The following FLNC variants were observed in gnomAD, a reference collection of about 807,000 sequenced individuals.
The protein encoded by FLNC is filamin-C.
In FLNC, 91 loss-of-function variants were observed where a neutral mutation model predicts 254.3. The ratio of observed to expected loss-of-function variants is 0.36; its 90% CI spans 0.30 to 0.43. The LOEUF is 0.43. FLNC is among the 20% of genes least tolerant of loss of function. The pLI is 1.00. For synonymous variants in FLNC, 1,430 were observed against 1,577.2 expected, an observed-to-expected ratio of 0.91 and a Z score of 2.21; for missense variants, 2,853 against 3,802.6, an observed-to-expected ratio of 0.75 and a Z score of 6.57.
intron 1 of FLNC, among the ~76,000 whole-genome samples, chr7:128,832,952 T>A (rs1351040660): frequency 6.6e-6 from 1 of 152,190 alleles, no homozygotes; most frequent in East Asian, 1.9e-4. Flanking sequence ...GGGGCCACCT[T>A]CTGAGTATTG....
intron 35 of FLNC, among the ~76,000 whole-genome samples, 198 bp downstream of exon 35, chr7:128,851,826 G>C (rs1014561005): frequency 6.6e-6 from 1 of 152,238 alleles, no homozygotes; most frequent in Admixed American, 6.5e-5. Context: ...CACTCCTTGT[G>C]CCTGAAAACA....
At chr7:128,833,794 C>CCGGG (rs1042455695) in intron 1 of FLNC, among the ~76,000 whole-genome samples, 9 of 152,164 alleles carry the variant, frequency 5.9e-5, no homozygotes, top group Admixed American at 4.6e-4. Flanking sequence ...AGAGAAAGCA[C>CCGGG]CGGGAGGCAG....
rs1808883896 is a variant in FLNC, at chr7:128,852,919, G to C, written c.6096G>C (p.Leu2032=). ...KHVTNSPFKI[L]VGPSEIGDAS... is the part of the protein sequence containing the mutation. ...TCACCAACAGCCCCTTCAAGATCCT[G>C]GTGGGGCCATCTGAGATCGGGGACG... The change falls in exon 37 of 48, where the codon CTG becomes CTC. Residue 2032 remains leucine, a synonymous_variant. Transcript: ENST00000325888. 2.5e-6 allele frequency: 4 copies of C among 1,613,596 alleles called. No homozygotes were observed. The African/African-American group carries it at 4.0e-5, about 16-fold the overall frequency.
At chr7:128,834,141 G>A (rs950435284) in intron 1 of FLNC, among the ~76,000 whole-genome samples, 2 of 152,228 alleles carry the variant, frequency 1.3e-5, no homozygotes, top group Admixed American at 1.3e-4. Context: ...CAGTAAACAA[G>A]ACTGTCTTCC....
Position 128,849,889 on chromosome 7 carries a change from C to T in FLNC, c.5200-87C>T, listed in dbSNP as rs557689381. The T allele has an allele frequency of 1.2e-5, 12 of 970,128 alleles. No individual in the cohort carries two copies. In the South Asian group the frequency reaches 1.5e-4, roughly 12 times the overall value. 60.1% of individuals were successfully genotyped at this position (970,128 alleles called of 1,614,324 possible). A position where few individuals can be genotyped will look rare whatever the true frequency, so the allele number is the denominator to read the frequency against. On this transcript the variant is annotated intron_variant, in intron 30 of 47. Transcript: ENST00000325888. ...GATGAACACCCAAATTATCACCCAG[C>T]ATTTCAGGTTCCTGGGCCATTCTCT...
chr7:128,831,802 T>C (rs1807904202), intron 1 of FLNC, among the ~76,000 whole-genome samples: 1 of 118,750 alleles, frequency 8.4e-6, no homozygotes, highest in African/African-American at 3.4e-5. Flanking sequence ...AGGTGTGTAG[T>C]GCAGGGTGGG....
rs544320561 is a variant in FLNC, at chr7:128,844,966, C to T, written c.3501C>T (p.Arg1167=). The part of the protein sequence containing the change: ...KVRASGPGLE[R]GKVGEAATFT... ...GGGCCAGTGGACCGGGCCTGGAGCG[C>T]GGCAAGGTCGGTGAGGCAGCCACCT... The change falls in exon 21 of 48, where the codon CGC becomes CGT. Residue 1167 remains arginine (R), a synonymous_variant. Transcript: ENST00000325888. 3.7e-5 allele frequency: 59 copies of T among 1,613,814 alleles called. No individual in the cohort carries two copies. The highest frequency in any genetic ancestry group is 1.1e-4 in the East Asian group (5 of 44,884).
In FLNC at chr7:128,854,557, A is replaced by C. The variant is rs1003005680; in HGVS notation, c.6872A>C (p.Lys2291Thr). The change falls in exon 41 of 48, where the codon AAG (lysine) becomes ACG (threonine). Residue 2291 changes from lysine to threonine, a missense_variant. Lys to Thr is a moderately conservative substitution (Grantham distance 78). Coordinates refer to ENST00000325888, the MANE Select transcript of FLNC (RefSeq NM_001458.5). ...ATGGGGCCCCATACGGTCGCTGTCA[A>C]GTACCGTGGCCAGCACGTGCCCGGC... ...QEMGPHTVAVKYRGQHVPGSP... is the reference protein window; with the variant it reads ...QEMGPHTVAVTYRGQHVPGSP... 6.2e-7 allele frequency: 1 copy of C among 1,608,352 alleles called. No individual in the cohort carries two copies. Among genetic ancestry groups the C allele is most frequent in the African/African-American group, 1.3e-5 (1 of 74,890 alleles).
At position 128,842,252 on chromosome 7, in the gene FLNC, G is replaced by T; in HGVS notation, c.2143G>T (p.Asp715Tyr). 9 of 1,613,706 alleles carry T rather than the reference G, an allele frequency of 5.6e-6. No individual in the cohort carries two copies. The highest frequency in any genetic ancestry group is 7.6e-6 in the Non-Finnish European group (9 of 1,180,004). ...YAQDADGCPIDIKVIPNGDGT... is the reference protein window; with the variant it reads ...YAQDADGCPIYIKVIPNGDGT... ...ACAGGACGCCGACGGCTGTCCCATC[G>T]ACATCAAGGTGATCCCCAACGGCGA... is the stretch of plus-strand genomic sequence containing the variant. Residue 715 changes from aspartate (D) to tyrosine (Y), a missense_variant, in exon 14 of 48, where the codon GAC becomes TAC. By Grantham distance (160) the Asp-to-Tyr change is radical. Transcript: ENST00000325888. The surrounding 1 kb of genome is among the most constrained non-coding windows in gnomAD (Gnocchi z 5.4).
chr7:128,840,260 C>T, intron 9 of FLNC, 100 bp downstream of exon 9: 2 of 1,403,826 alleles, frequency 1.4e-6, no homozygotes, highest in African/African-American at 1.4e-5. Context: ...CAGCCAGCAC[C>T]ACAGCTCCAC....
In FLNC at chr7:128,841,874, C is replaced by T. The variant is rs984583301; in HGVS notation, c.2121+307C>T. Among the ~76,000 whole-genome samples the T allele has an allele frequency of 6.6e-6, 1 of 152,158 alleles. No individual in the cohort carries two copies. The highest frequency in any genetic ancestry group is 1.5e-5 in the Non-Finnish European group (1 of 68,028). ...TTTCTCAGACTGGTGTCCATTGACC[C>T]CTAGAGGTTAATGAACATATTCTTG... On this transcript the variant is annotated intron_variant, in intron 13 of 47. Coordinates refer to ENST00000325888, the MANE Select transcript of FLNC (RefSeq NM_001458.5). This position sits in a 1 kb window ranked among gnomAD's most constrained non-coding sequence, Gnocchi z 4.3.
chr7:128,854,582 C>A lies in FLNC; in HGVS notation c.6897C>A (p.Gly2299=), dbSNP rs1456991244. The change falls in exon 41 of 48, where the codon GGC becomes GGA. Residue 2299 remains glycine (G), a synonymous_variant. Coordinates refer to ENST00000325888, the MANE Select transcript of FLNC (RefSeq NM_001458.5). ...AGTACCGTGGCCAGCACGTGCCCGG[C>A]AGCCCCTTTCAGTTCACTGTGGGGC... ...AVKYRGQHVP[G]SPFQFTVGPL... The A allele has an allele frequency of 6.2e-7, 1 of 1,609,562 alleles. No individual in the cohort carries two copies. Among genetic ancestry groups the A allele is most frequent in the African/African-American group, 1.3e-5 (1 of 74,908 alleles).
chr7:128,844,783 G>A lies in FLNC; in HGVS notation c.3318G>A (p.Lys1106=). The A allele has an allele frequency of 6.2e-7, 1 of 1,614,110 alleles. No individual in the cohort carries two copies. Among genetic ancestry groups the A allele is most frequent in the Non-Finnish European group, 8.5e-7 (1 of 1,180,030 alleles). The change falls in exon 21 of 48, where the codon AAG becomes AAA. Residue 1106 remains lysine, a synonymous_variant. Transcript: ENST00000325888. ...GLTVEGPCEA[K]IECQDNGDGS... ...CCGTAGAGGGCCCCTGCGAGGCCAA[G>A]ATCGAGTGCCAGGACAATGGTGATG...
In FLNC at chr7:128,838,395, C is replaced by T. The variant is rs767977714; in HGVS notation, c.1176C>T (p.Ala392=). The change falls in exon 7 of 48, where the codon GCC becomes GCT. Residue 392 remains alanine, a synonymous_variant. Transcript: ENST00000325888. The part of the protein sequence containing the change: ...GPGLEPVGNV[A]NKPTYFDIYT... ...GCCTGGAACCTGTGGGCAATGTGGC[C>T]AACAAACCCACCTACTTTGACATCT... 3.1e-6 allele frequency: 5 copies of T among 1,611,764 alleles called. No homozygotes were observed. In the Admixed American group the frequency reaches 6.7e-5, roughly 22 times the overall value.
chr7:128,849,479 T>C lies in FLNC; in HGVS notation c.5100T>C (p.Gly1700=). 1.2e-6 allele frequency: 2 copies of C among 1,614,174 alleles called. No homozygotes were observed. ...TGGATGTGGTTGAGAACCATGACGG[T>C]ACCTTTGACATCTACTACACAGCGC... is the stretch of plus-strand genomic sequence containing the variant. ...LDVDVVENHD[G]TFDIYYTAPE... is the part of the protein sequence containing the mutation. The change falls in exon 30 of 48, where the codon GGT becomes GGC. Residue 1700 remains glycine, a synonymous_variant. Transcript: ENST00000325888.
At chr7:128,837,347 G>A (rs1808134310) in intron 3 of FLNC, 51 bp from the exon 4 acceptor site, 1 of 1,613,136 alleles carries the variant, frequency 6.2e-7, no homozygotes, top group Non-Finnish European at 8.5e-7. Context: ...GGGGAGACTG[G>A]GGCTGCTGGG....
chr7:128,850,021 C>T lies in FLNC; in HGVS notation c.5245C>T (p.Gln1749Ter). The T allele has an allele frequency of 6.4e-7, 1 of 1,567,284 alleles. No homozygotes were observed. The highest frequency in any genetic ancestry group is 8.6e-7 in the Non-Finnish European group (1 of 1,162,356). The stretch of plus-strand genomic sequence containing the variant: ...CGAGGAGGAGCCCTCTGAAGTGCCA[C>T]AGCTGCGCCAGCCCTACGCTCCTCC... Reference protein sequence around the residue: ...PHEEEPSEVPQLRQPYAPPRP... With the variant: ...PHEEEPSEVP Residue 1749 changes from glutamine (Q) to a stop codon, truncating the protein, a stop_gained, in exon 31 of 48, where the codon CAG becomes TAG. Transcript: ENST00000325888. LOFTEE classifies it high-confidence loss of function.
At position 128,856,912 on chromosome 7, in the gene FLNC, G is replaced by A. The variant is rs773643893; in HGVS notation, c.7552G>A (p.Gly2518Ser). 2 of 1,613,994 alleles carry A rather than the reference G, an allele frequency of 1.2e-6. No individual in the cohort carries two copies. Among genetic ancestry groups the A allele is most frequent in the Non-Finnish European group, 1.7e-6 (2 of 1,179,954 alleles). Residue 2518 changes from glycine (G) to serine (S), a missense_variant, in exon 45 of 48, where the codon GGC becomes AGC. Coordinates refer to ENST00000325888, the MANE Select transcript of FLNC (RefSeq NM_001458.5). The surrounding 1 kb of genome is among the most constrained non-coding windows in gnomAD (Gnocchi z 5.9). The part of the protein sequence containing the change: ...VSAYGPGLEG[G>S]TTGVSSEFIV... ...AGCCTACGGTCCTGGGCTCGAGGGA[G>A]GCACTACCGGTGAGTGCCTGGAGCT...
At chr7:128,852,373 G>A (rs949075448) in intron 35 of FLNC, among the ~76,000 whole-genome samples, 1 of 152,210 alleles carries the variant, frequency 6.6e-6, no homozygotes, top group African/African-American at 2.4e-5. Flanking sequence ...AAGGACTGAG[G>A]CAGCCACAGT....
Sources: allele counts gnomAD v4.1 joint callset (sites outside exome capture counted in the v4.1 genomes callset), GRCh38; gene constraint gnomAD v4.1.1; non-coding constraint Gnocchi (gnomAD v3.1); transcripts MANE v1.5; gene names NCBI Gene and HGNC (gene_info 2026-07-23, HGNC 2026-07-21).